The following KIF15 variants were observed in gnomAD, a reference collection of about 807,000 sequenced individuals.
The protein encoded by KIF15 is kinesin family member 15.
KIF15 carries 140 observed loss-of-function variants against 190.6 expected under a neutral mutation model. The ratio of observed to expected loss-of-function variants is 0.73; its 90% confidence interval spans 0.64 to 0.84. The LOEUF (loss-of-function observed/expected upper bound fraction) is 0.84. KIF15 is among the 40% of genes least tolerant of loss of function. The probability of loss-of-function intolerance (pLI) is 0.00; values close to 1 mark genes in which losing one functional copy is unlikely to be tolerated. For missense variants in KIF15, 1,372 were observed against 1,584.4 expected, an observed-to-expected ratio of 0.87 and a Z score of 2.28; for synonymous variants, 528 against 551.3, an observed-to-expected ratio of 0.96 and a Z score of 0.59.
chr3:44,793,023 T>G (rs1237519240), intron 7 of KIF15, among the ~76,000 whole-genome samples: 2 of 152,200 alleles, frequency 1.3e-5, no homozygotes, highest in African/African-American at 4.8e-5. Context: ...CAGCATCACC[T>G]GAGAGCTTGT....
intron 6 of KIF15, chr3:44,864,990 T>A: frequency 6.2e-7 from 1 of 1,607,922 alleles, no homozygotes; most frequent in Non-Finnish European, 8.5e-7. Context: ...AGAGTGAGGT[T>A]GTGCCCACCT....
chr3:44,815,175 C>T, intron 20 of KIF15, 99 bp downstream of exon 20: 5 of 1,068,260 alleles, frequency 4.7e-6, no homozygotes, highest in Non-Finnish European at 6.5e-6. Flanking sequence ...AGCAGTTAGA[C>T]AAATAAAAAA....
At chr3:44,850,800 A>G (rs923844669) in intron 32 of KIF15, among the ~76,000 whole-genome samples, 1 of 152,154 alleles carries the variant, frequency 6.6e-6, no homozygotes, top group Admixed American at 6.5e-5. Context: ...AATTTTATGT[A>G]TTATATCATC....
chr3:44,802,819 G>A lies in KIF15; in HGVS notation c.1515G>A (p.Glu505=). The change falls in exon 14 of 35, where the codon GAG becomes GAA. Residue 505 remains glutamate, a synonymous_variant. Coordinates refer to ENST00000326047, the MANE Select transcript of KIF15 (RefSeq NM_020242.3). ...GTAATTCTTCTATGTCACAGATAGA[G>A]CACCACCCCAGAGTTGCAAAGTATG... ...NEIQTLREQI[E]HHPRVAKYAM... 1 of 1,568,686 alleles carries A rather than the reference G, an allele frequency of 6.4e-7. No individual in the cohort carries two copies. The highest frequency in any genetic ancestry group is 2.3e-5 in the East Asian group (1 of 44,222).
intron 26 of KIF15, 73 bp from the exon 27 acceptor site, chr3:44,838,202 G>A: frequency 1.4e-6 from 2 of 1,468,046 alleles, no homozygotes; most frequent in Non-Finnish European, 9.2e-7. Context: ...GTTAAAAGTT[G>A]TACATAGTAA....
At chr3:44,865,648 T>G (rs764743672) in intron 6 of KIF15, 1 of 159,936 alleles carries the variant, frequency 6.3e-6, no homozygotes, top group African/African-American at 2.4e-5. Context: ...AATAAATACG[T>G]TTTTTGTAAG....
At position 44,796,994 on chromosome 3, in the gene KIF15, AT is replaced by A. The variant is rs377411216; in HGVS notation, c.850-549del. On this transcript the variant is annotated intron_variant, in intron 8 of 34. Coordinates refer to ENST00000326047, the MANE Select transcript of KIF15 (RefSeq NM_020242.3). ...ATTACAATCATGAAGTGACATTAAT[AT>A]TTTTTTTCTTTGCATGATTTTTGTG... 4.2e-4 allele frequency among the ~76,000 whole-genome samples: 63 copies of A among 151,370 alleles called. 1 individual carries two copies. Among genetic ancestry groups the A allele is most frequent in the Middle Eastern group, 6.8e-3 (2 of 294 alleles).
intron 11 of KIF15, among the ~76,000 whole-genome samples, chr3:44,800,869 A>G (rs1707233751): frequency 6.6e-6 from 1 of 151,640 alleles, no homozygotes. Flanking sequence ...TAATTTTTTA[A>G]AAAATCTACT....
chr3:44,761,869 G>A lies in KIF15; in HGVS notation c.4G>A (p.Ala2Thr). The change falls in exon 1 of 35, where the codon GCA becomes ACA. Residue 2 changes from alanine (A) to threonine (T), a missense_variant. Transcript: ENST00000326047. ...GGGATCGAGGGGTGAGGGCGCTATG[G>A]CACCCGGCTGCAAAAGTAAGTCTGG... Reference protein sequence around the residue: MAPGCKTELRSV... With the variant: MTPGCKTELRSV... 4 of 1,614,172 alleles carry A rather than the reference G, an allele frequency of 2.5e-6. No individual in the cohort carries two copies. Among genetic ancestry groups the A allele is most frequent in the Non-Finnish European group, 3.4e-6 (4 of 1,180,032 alleles).
At position 44,852,772 on chromosome 3, in the gene KIF15, A is replaced by G. The variant is rs369235978; in HGVS notation, c.*37A>G. The G allele has an allele frequency of 5.4e-5, 83 of 1,531,314 alleles. 1 individual carries two copies. The African/African-American group carries it at 1.1e-3, about 20-fold the overall frequency. 94.9% of individuals were successfully genotyped at this position (1,531,314 alleles called of 1,614,324 possible). A position where few individuals can be genotyped will look rare whatever the true frequency, so the allele number is the denominator to read the frequency against. Reference sequence around the variant, plus strand: ...AGCTACCTAGGCATCACCTTGTTTGAAGATGTTTCTTCTCTTTTACAAGTA... The same window carrying G: ...AGCTACCTAGGCATCACCTTGTTTGGAGATGTTTCTTCTCTTTTACAAGTA... On this transcript the variant is annotated 3_prime_UTR_variant, in exon 35 of 35. Transcript: ENST00000326047.
At chr3:44,829,768 T>C (rs1175258004) in intron 24 of KIF15, among the ~76,000 whole-genome samples, 2 of 140,700 alleles carry the variant, frequency 1.4e-5, no homozygotes, top group African/African-American at 5.3e-5. Flanking sequence ...GTATATATAT[T>C]ATAGATGTAT....
At chr3:44,761,968 A>G (rs1705165145) in intron 1 of KIF15, 84 bp downstream of exon 1, 3 of 1,574,416 alleles carry the variant, frequency 1.9e-6, no homozygotes, top group Non-Finnish European at 2.6e-6. Flanking sequence ...ACCGCCCGCA[A>G]GGTTCTTGCT....
At chr3:44,858,215 G>A (rs1452823896), downstream of KIF15, among the ~76,000 whole-genome samples, 2 of 152,198 alleles carry the variant, frequency 1.3e-5, no homozygotes, top group South Asian at 4.1e-4. Context: ...ACTAAAGAGT[G>A]TACAGGTTGG....
At chr3:44,795,398 C>T (rs980870065) in intron 8 of KIF15, among the ~76,000 whole-genome samples, 8 of 152,128 alleles carry the variant, frequency 5.3e-5, no homozygotes, top group African/African-American at 1.9e-4. Flanking sequence ...CCCGGATTAT[C>T]AAGGACCAGG....
intron 27 of KIF15, 99 bp downstream of exon 27, chr3:44,838,520 A>G (rs926956970): frequency 8.2e-7 from 1 of 1,221,780 alleles, no homozygotes; most frequent in South Asian, 1.6e-5. Flanking sequence ...AAGGGGGTGG[A>G]CCACTTGAAG....
intron 10 of KIF15, among the ~76,000 whole-genome samples, chr3:44,799,576 TG>T (rs1468437162): frequency 5.0e-4 from 75 of 151,024 alleles, no homozygotes; most frequent in African/African-American, 1.7e-3. Context: ...TTTTTTTTTT[TG>T]AGATAGAGTC....
chr3:44,794,123 C>A, intron 7 of KIF15, 94 bp from the exon 8 acceptor site: 1 of 992,492 alleles, frequency 1.0e-6, no homozygotes, highest in Non-Finnish European at 1.5e-6. Flanking sequence ...ACAAGTGATC[C>A]TCCAGACATG....
At chr3:44,829,424 T>C (rs1697862928) in intron 24 of KIF15, among the ~76,000 whole-genome samples, 1 of 140,278 alleles carries the variant, frequency 7.1e-6, no homozygotes. Flanking sequence ...CATATGTATA[T>C]ATAATATATA....
At chr3:44,786,798 C>T (rs148004077) in intron 7 of KIF15, among the ~76,000 whole-genome samples, 115 of 152,186 alleles carry the variant, frequency 7.6e-4, no homozygotes, top group African/African-American at 2.6e-3. Context: ...TAAGATGATA[C>T]ATTGTATCAT....
Sources: gnomAD v4.1 joint callset for allele counts (sites outside exome capture counted in the v4.1 genomes callset) on GRCh38, gnomAD v4.1.1 for gene constraint, MANE v1.5 for transcripts, NCBI Gene and HGNC (gene_info 2026-07-23, HGNC 2026-07-21) for gene names.